The following AGAP5 variants were observed in gnomAD, a reference collection of about 807,000 sequenced individuals.
AGAP5 encodes the protein arf-GAP with GTPase, ANK repeat and PH domain-containing protein 5.
AGAP5 carries 8 observed loss-of-function variants against 27.7 expected under a neutral mutation model. The observed-to-expected ratio is 0.29, with a 90% CI of 0.17 to 0.52. AGAP5 has a LOEUF of 0.52. Among genes scored for constraint, AGAP5 ranks in the 20% least tolerant of loss-of-function variants. AGAP5 has a pLI of 0.97. For missense variants in AGAP5, 285 were observed against 880.8 expected, an observed-to-expected ratio of 0.32 and a Z score of 8.56; for synonymous variants, 111 against 338.0, an observed-to-expected ratio of 0.33 and a Z score of 7.37.
chr10:73,676,289 T>C (rs1359104960), intron 7 of AGAP5, among the ~76,000 whole-genome samples: 2 of 40,566 alleles, frequency 4.9e-5, no homozygotes, highest in African/African-American at 9.9e-5. Flanking sequence ...ACCCTGTCTT[T>C]ACAAAAAAAA....
rs564863179 is a variant in AGAP5, at chr10:73,690,471, C to T, written c.396+1572G>A. ...GAAGTACCCAGGGACACAAACACTG[C>T]GGAAGGCCGCAGGGTCCTCTGCCTA... On this transcript the variant is annotated intron_variant, in intron 4 of 7. Transcript: ENST00000374094. Among the ~76,000 whole-genome samples the T allele has an allele frequency of 8.7e-4, 132 of 152,164 alleles. 1 individual carries two copies. The highest frequency in any genetic ancestry group is 2.6e-3 in the African/African-American group (106 of 41,512).
chr10:73,688,261 T>C (rs1227619456), intron 4 of AGAP5, among the ~76,000 whole-genome samples: 3 of 152,122 alleles, frequency 2.0e-5, no homozygotes, highest in Non-Finnish European at 4.4e-5. Context: ...AGGCAGAAAA[T>C]TGGGAGATCC....
intron 4 of AGAP5, among the ~76,000 whole-genome samples, chr10:73,689,969 C>A (rs1052363120): frequency 1.3e-5 from 2 of 151,346 alleles, no homozygotes; most frequent in African/African-American, 2.4e-5. Context: ...CCAGCCGCCC[C>A]GTCTGGGAGG....
chr10:73,695,812 A>G (rs566926978), intron 2 of AGAP5, among the ~76,000 whole-genome samples: 14 of 152,052 alleles, frequency 9.2e-5, no homozygotes, highest in Non-Finnish European at 2.1e-4. Flanking sequence ...ACTGGATTTA[A>G]TATGTTTATG....
chr10:73,683,376 A>AAAG (rs2082039379), intron 4 of AGAP5, among the ~76,000 whole-genome samples: 2 of 105,278 alleles, frequency 1.9e-5, no homozygotes, highest in Non-Finnish European at 4.2e-5. Context: ...AAAAAGAAAG[A>AAAG]AAAGTTTAAA....
chr10:73,695,704 A>G (rs1237849990), intron 2 of AGAP5, among the ~76,000 whole-genome samples: 1 of 152,182 alleles, frequency 6.6e-6, no homozygotes, highest in African/African-American at 2.4e-5. Flanking sequence ...CTACCTCTTT[A>G]AAAATTAAGA....
Position 73,697,700 on chromosome 10 carries a change from T to TG in AGAP5, c.55dup (p.Gln19ProfsTer10). On this transcript the variant is annotated frameshift_variant, in exon 1 of 8. Coordinates refer to ENST00000374094, the MANE Select transcript of AGAP5 (RefSeq NM_001144000.4). LOFTEE classifies it high-confidence loss of function. ...AGAGGGACACACCGACCCCTGTTGC[T>TG]GGTCAAACTCGAGGCTGACGCTAGG... The TG allele has an allele frequency of 6.3e-7, 1 of 1,598,580 alleles. No individual in the cohort carries two copies. Among genetic ancestry groups the TG allele is most frequent in the Non-Finnish European group, 8.5e-7 (1 of 1,179,796 alleles).
At chr10:73,690,907 CA>C (rs1202227675) in intron 4 of AGAP5, among the ~76,000 whole-genome samples, 7 of 152,184 alleles carry the variant, frequency 4.6e-5, no homozygotes, top group African/African-American at 1.7e-4. Context: ...ACTAGGATGA[CA>C]AAAGGCCAAA....
intron 2 of AGAP5, among the ~76,000 whole-genome samples, chr10:73,696,377 G>A (rs1211982008): frequency 3.3e-5 from 5 of 152,182 alleles, no homozygotes; most frequent in African/African-American, 1.2e-4. Flanking sequence ...AAGGGACAAA[G>A]GGGGAGCCAC....
Position 73,698,077 on chromosome 10 carries a change from A to C in AGAP5, c.-322T>G. The C allele has an allele frequency of 7.6e-7, 1 of 1,323,290 alleles. No individual in the cohort carries two copies. The highest frequency in any genetic ancestry group is 9.7e-7 in the Non-Finnish European group (1 of 1,028,002). The allele number at this position is 1,323,290 out of a possible 1,614,324, so 82.0% of individuals were successfully genotyped here. ...AACTGCCTGAAGAGAGAACAGACGG[A>C]GCTCCTCCTCCTTCTGTAGTCACCT... On this transcript the variant is annotated 5_prime_UTR_variant, in exon 1 of 8. Transcript: ENST00000374094.
intron 3 of AGAP5, 135 bp from the exon 4 acceptor site, chr10:73,692,212 T>C: frequency 3.5e-6 from 1 of 282,596 alleles, no homozygotes; most frequent in East Asian, 7.1e-5. Context: ...CAATAATTTA[T>C]AATTTAAATT....
intron 4 of AGAP5, among the ~76,000 whole-genome samples, chr10:73,690,546 A>G (rs2082108664): frequency 6.8e-6 from 1 of 148,076 alleles, no homozygotes; most frequent in Non-Finnish European, 1.5e-5. Flanking sequence ...CCTTCCCTCC[A>G]CTATTGTCCT....
At chr10:73,686,561 A>C (rs1396163542) in intron 4 of AGAP5, among the ~76,000 whole-genome samples, 1 of 152,252 alleles carries the variant, frequency 6.6e-6, no homozygotes, top group East Asian at 1.9e-4. Flanking sequence ...AGACTCAACT[A>C]AAGAGCTTCT....
Position 73,697,956 on chromosome 10 carries a change from C to G in AGAP5, c.-201G>C, listed in dbSNP as rs890714537. The G allele has an allele frequency of 4.1e-5, 62 of 1,507,808 alleles. No individual in the cohort carries two copies. In the African/African-American group the frequency reaches 8.0e-4, roughly 19 times the overall value. 93.4% of individuals were successfully genotyped at this position (1,507,808 alleles called of 1,614,324 possible). On this transcript the variant is annotated 5_prime_UTR_variant, in exon 1 of 8. Transcript: ENST00000374094. ...CTAGGGCTGCGGGTCAAGGCCCACA[C>G]CCTGCTGCCTCCCCTGAGTTGACTT... is the stretch of plus-strand genomic sequence containing the variant.
Position 73,697,910 on chromosome 10 carries a change from TGGCCCC to T in AGAP5, c.-161_-156del, listed in dbSNP as rs1221652658. ...ACAGCGCGGCCCCGGGCACCATCCC[TGGCCCC>T]GGCCCCGGCCCCGGCTAGGGCTGCG... On this transcript the variant is annotated 5_prime_UTR_variant, in exon 1 of 8. Transcript: ENST00000374094. 9.1e-6 allele frequency: 14 copies of T among 1,533,492 alleles called. No individual in the cohort carries two copies. The highest frequency in any genetic ancestry group is 3.9e-5 in the Admixed American group (2 of 50,914). 95.0% of individuals were successfully genotyped at this position (1,533,492 alleles called of 1,614,324 possible).
chr10:73,693,387 A>G (rs1231156366), intron 3 of AGAP5, among the ~76,000 whole-genome samples: 1 of 152,124 alleles, frequency 6.6e-6, no homozygotes, highest in African/African-American at 2.4e-5. Flanking sequence ...GCAAATTCTT[A>G]TTATGGTAAT....
At chr10:73,687,578 T>G (rs1258560387) in intron 4 of AGAP5, among the ~76,000 whole-genome samples, 1 of 152,226 alleles carries the variant, frequency 6.6e-6, no homozygotes, top group Non-Finnish European at 1.5e-5. Flanking sequence ...TGGCAGTGGA[T>G]AAACTTTGAA....
chr10:73,690,460 C>T (rs540194804), intron 4 of AGAP5, among the ~76,000 whole-genome samples: 4 of 152,242 alleles, frequency 2.6e-5, no homozygotes, highest in Admixed American at 2.6e-4. Context: ...TACCCAGGGA[C>T]ACAAACACTG....
At chr10:73,689,346 C>T (rs1278957358) in intron 4 of AGAP5, among the ~76,000 whole-genome samples, 16 of 152,230 alleles carry the variant, frequency 1.1e-4, no homozygotes, top group Admixed American at 1.0e-3. Context: ...ACAACCTCCA[C>T]CTTCCAGCAG....
Sources: gnomAD v4.1 joint callset for allele counts (sites outside exome capture counted in the v4.1 genomes callset) on GRCh38, gnomAD v4.1.1 for gene constraint, MANE v1.5 for transcripts, NCBI Gene and HGNC (gene_info 2026-07-23, HGNC 2026-07-21) for gene names.